The following MTBP variants were observed in gnomAD, a reference collection of about 807,000 sequenced individuals.
The protein encoded by MTBP is MDM2 binding protein.
In MTBP, 101 loss-of-function variants were observed where a neutral mutation model predicts 117.0. The observed-to-expected ratio is 0.86, with a 90% confidence interval of 0.73 to 1.02. The LOEUF (loss-of-function observed/expected upper bound fraction) is 1.02, where lower values mean the gene tolerates loss of function less well. Among genes scored for constraint, MTBP ranks in the 50% least tolerant of loss-of-function variants. The pLI, the probability that MTBP is intolerant of heterozygous loss-of-function variation, is 0.00. For missense variants in MTBP, 970 were observed against 1,030.9 expected, an observed-to-expected ratio of 0.94 and a Z score of 0.81; for synonymous variants, 350 against 351.5, an observed-to-expected ratio of 1.00 and a Z score of 0.05.
intron 14 of MTBP, among the ~76,000 whole-genome samples, chr8:120,500,475 G>A (rs4431630): frequency 0.53 from 80,446 of 152,016 alleles, 24,572 homozygotes; most frequent in Non-Finnish European, 0.67. Flanking sequence ...TGAACTCATG[G>A]CATGAAGCTG....
At chr8:120,488,794 G>C (rs963188506) in intron 12 of MTBP, among the ~76,000 whole-genome samples, 5 of 152,028 alleles carry the variant, frequency 3.3e-5, no homozygotes, top group African/African-American at 1.2e-4. Context: ...TGGTCCTGTG[G>C]GTTGAATGAG....
Position 120,470,886 on chromosome 8 carries a change from A to G in MTBP, c.1114A>G (p.Ser372Gly). 6.2e-7 allele frequency: 1 copy of G among 1,612,446 alleles called. No individual in the cohort carries two copies. Among genetic ancestry groups the G allele is most frequent in the South Asian group, 1.1e-5 (1 of 91,038 alleles). Residue 372 changes from serine to glycine, a missense_variant, in exon 11 of 22, where the codon AGT becomes GGT. Ser to Gly is a moderately conservative substitution (Grantham distance 56). Transcript: ENST00000305949. ...NILIPPPNQL[S>G]SRKWKEYIAK... ...ACTGATTCCACCTCCCAACCAACTCAGTTCAAGAAAATGGAAGGAATATAT... is the reference window on the plus strand; with the variant it reads ...ACTGATTCCACCTCCCAACCAACTCGGTTCAAGAAAATGGAAGGAATATAT...
chr8:120,489,312 C>T (rs1814292592), intron 12 of MTBP, among the ~76,000 whole-genome samples: 1 of 152,160 alleles, frequency 6.6e-6, no homozygotes, highest in Admixed American at 6.6e-5. Context: ...GCTGGGATTA[C>T]AGGCGTGATC....
chr8:120,454,076 C>A (rs905197103), intron 5 of MTBP, among the ~76,000 whole-genome samples, 171 bp downstream of exon 5: 42 of 151,990 alleles, frequency 2.8e-4, no homozygotes, highest in African/African-American at 9.4e-4. Flanking sequence ...GAGTACATTA[C>A]CGAGATGTAG....
Position 120,466,279 on chromosome 8 carries a change from T to G in MTBP, c.1047+2518T>G, listed in dbSNP as rs367674647. 8.0e-5 allele frequency among the ~76,000 whole-genome samples: 12 copies of G among 150,618 alleles called. No individual in the cohort carries two copies. The East Asian group carries it at 2.2e-3, about 28-fold the overall frequency. ...CAGGCTGGAGTGCAATGGTGTGATC[T>G]TGGCTCACTGCAACCTCCGTCTCCC... On this transcript the variant is annotated intron_variant, in intron 10 of 21. Coordinates refer to ENST00000305949, the MANE Select transcript of MTBP (RefSeq NM_022045.5).
chr8:120,487,502 G>A (rs1701465369), intron 11 of MTBP, among the ~76,000 whole-genome samples: 1 of 152,206 alleles, frequency 6.6e-6, no homozygotes, highest in Admixed American at 6.5e-5. Context: ...TCAGGAGATA[G>A]TGAATATAAA....
chr8:120,497,272 A>G, intron 13 of MTBP, 121 bp from the exon 14 acceptor site: 4 of 848,694 alleles, frequency 4.7e-6, no homozygotes, highest in Non-Finnish European at 7.2e-6. Context: ...TCCTGAAAAC[A>G]GGAATGTTGA....
intron 10 of MTBP, among the ~76,000 whole-genome samples, chr8:120,465,655 CT>C (rs10663319): frequency 0.22 from 21,653 of 100,480 alleles, 753 homozygotes; most frequent in African/African-American, 0.3. Context: ...CTTATAGAGA[CT>C]TTTTTTTTTT....
chr8:120,465,907 G>A (rs983223704), intron 10 of MTBP, among the ~76,000 whole-genome samples: 1 of 151,942 alleles, frequency 6.6e-6, no homozygotes, highest in Non-Finnish European at 1.5e-5. Context: ...AGTCCATCTA[G>A]TTATTGAAGA....
chr8:120,446,473 C>G lies in MTBP; in HGVS notation c.159C>G (p.Ser53Arg), dbSNP rs774029366. 1 of 1,609,436 alleles carries G rather than the reference C, an allele frequency of 6.2e-7. No homozygotes were observed. The highest frequency in any genetic ancestry group is 1.7e-5 in the Admixed American group (1 of 59,984). ...ATGTTTATCACCTCTTGAAAAGAAG[C>G]ATTAGTGCTTCAATTAATCCAGAAG... Reference protein sequence around the residue: ...AANVYHLLKRSISASINPEDS... With the variant: ...AANVYHLLKRRISASINPEDS... The change falls in exon 2 of 22, where the codon AGC (serine) becomes AGG (arginine). Residue 53 changes from serine to arginine, a missense_variant. By Grantham distance (110) the Ser-to-Arg change is moderately radical. Coordinates refer to ENST00000305949, the MANE Select transcript of MTBP (RefSeq NM_022045.5).
chr8:120,480,936 G>GTA (rs1221604093), intron 11 of MTBP, among the ~76,000 whole-genome samples: 2 of 152,100 alleles, frequency 1.3e-5, no homozygotes, highest in Non-Finnish European at 2.9e-5. Context: ...AGTTCCAGTC[G>GTA]TATATCTGAC....
At chr8:120,462,195 A>G (rs1218786342) in intron 9 of MTBP, among the ~76,000 whole-genome samples, 1 of 152,238 alleles carries the variant, frequency 6.6e-6, no homozygotes. Context: ...ATTATAAGCC[A>G]GACATAGCTT....
chr8:120,458,979 A>G (rs1279062306), intron 7 of MTBP, among the ~76,000 whole-genome samples: 3 of 152,190 alleles, frequency 2.0e-5, no homozygotes, highest in Non-Finnish European at 4.4e-5. Context: ...TGAGCTTAAC[A>G]TACTCTTGCC....
In MTBP at chr8:120,488,130, T is replaced by A. The variant is rs551900960; in HGVS notation, c.1166-29T>A. The stretch of plus-strand genomic sequence containing the variant: ...TTGTGTTGTGTGCTGAATTTTCACA[T>A]ACTTAACAAGATAATTGTTTTTGTT... On this transcript the variant is annotated intron_variant, in intron 11 of 21. Coordinates refer to ENST00000305949, the MANE Select transcript of MTBP (RefSeq NM_022045.5). The A allele has an allele frequency of 2.3e-4, 361 of 1,547,284 alleles. 2 individuals are homozygous for A. The African/African-American group carries it at 4.7e-3, about 20-fold the overall frequency.
At chr8:120,520,237 C>A (rs1305191882) in intron 20 of MTBP, among the ~76,000 whole-genome samples, 1 of 151,928 alleles carries the variant, frequency 6.6e-6, no homozygotes, top group African/African-American at 2.4e-5. Context: ...TAATCGCATC[C>A]ATAAAACTAG....
intron 15 of MTBP, among the ~76,000 whole-genome samples, chr8:120,506,336 G>C (rs1814684735): frequency 6.6e-6 from 1 of 152,032 alleles, no homozygotes; most frequent in African/African-American, 2.4e-5. Flanking sequence ...TGGGGTTTCA[G>C]AACATACAAG....
rs34444618 is a variant in MTBP at position 120,496,707 on chromosome 8, C to CA, written c.1448-673dup. Among the ~76,000 whole-genome samples, 234 of 130,744 alleles carry CA rather than the reference C, an allele frequency of 1.8e-3. 1 individual carries two copies. Among genetic ancestry groups the CA allele is most frequent in the African/African-American group, 6.4e-3 (197 of 30,748 alleles). The allele number at this position is 130,744 out of a possible 152,430, so 85.8% of individuals were successfully genotyped here. On this transcript the variant is annotated intron_variant, in intron 13 of 21. Transcript: ENST00000305949. ...CTTTTCGTATACCTGATGTTCCATA[C>CA]AAAAAAAAAAAAAGAAAAAAAAATG...
At chr8:120,455,190 G>A (rs758094148) in intron 5 of MTBP, among the ~76,000 whole-genome samples, 6 of 151,874 alleles carry the variant, frequency 4.0e-5, no homozygotes, top group Non-Finnish European at 8.8e-5. Flanking sequence ...TCTAGTATAT[G>A]CTAGCTATTT....
At chr8:120,483,459 A>G (rs918386990) in intron 11 of MTBP, among the ~76,000 whole-genome samples, 9 of 152,136 alleles carry the variant, frequency 5.9e-5, no homozygotes, top group Non-Finnish European at 1.2e-4. Context: ...TTTCCCCCGT[A>G]GTCCTGGGAT....
Sources: allele counts gnomAD v4.1 joint callset (sites outside exome capture counted in the v4.1 genomes callset), GRCh38; gene constraint gnomAD v4.1.1; transcripts MANE v1.5; gene names NCBI Gene and HGNC (gene_info 2026-07-23, HGNC 2026-07-21).